CLTC: variants seen among roughly 807,000 people sequenced by gnomAD.
CLTC encodes clathrin heavy chain.
CLTC carries 16 observed loss-of-function variants against 195.8 expected under a neutral mutation model. The ratio of observed to expected loss-of-function variants is 0.08; its 90% CI spans 0.06 to 0.12. The LOEUF is 0.12. Ranked by LOEUF, CLTC falls within the 10% of genes least tolerant of loss-of-function variation. The pLI, the probability that CLTC is intolerant of heterozygous loss-of-function variation, is 1.00. For synonymous variants in CLTC, 667 were observed against 689.4 expected (o/e 0.97, Z 0.51); for missense variants, 796 against 2,027.0 (o/e 0.39, Z 11.66).
chr17:59,683,232 G>T lies in CLTC; in HGVS notation c.4011G>T (p.Glu1337Asp). The change falls in exon 25 of 32, where the codon GAG (glutamate) becomes GAT (aspartate). Residue 1337 changes from glutamate to aspartate, a missense_variant. Physicochemically the swap from Glu to Asp is conservative, Grantham distance 45. Coordinates refer to ENST00000269122, the MANE Select transcript of CLTC (RefSeq NM_004859.4). The surrounding 1 kb of genome is among the most constrained non-coding windows in gnomAD (Gnocchi z 6.1). ...CTCAGAAAATGAGGGAGCACCTGGA[G>T]CTGTTCTGGTCTAGAGTGAATATTC... is the stretch of plus-strand genomic sequence containing the variant. ...FKPQKMREHL[E>D]LFWSRVNIPK... 1 of 1,614,152 alleles carries T rather than the reference G, an allele frequency of 6.2e-7. No homozygotes were observed. The highest frequency in any genetic ancestry group is 8.5e-7 in the Non-Finnish European group (1 of 1,180,000).
rs542827552 is a variant in CLTC, at chr17:59,690,802, A to G, written c.4903+91A>G. On this transcript the variant is annotated intron_variant, in intron 31 of 31. Transcript: ENST00000269122. ...TCAAAATAGAATACAACAAGCTTCT[A>G]AAGTGCAAAAGGCTTTCTAAGAAAT... 7.4e-6 allele frequency: 7 copies of G among 947,650 alleles called. No individual in the cohort carries two copies. The East Asian group carries it at 1.0e-4, about 14-fold the overall frequency. The allele number at this position is 947,650 out of a possible 1,614,324, so 58.7% of individuals were successfully genotyped here. A position where few individuals can be genotyped will look rare whatever the true frequency, so the allele number is the denominator to read the frequency against.
chr17:59,685,120 A>C lies in CLTC; in HGVS notation c.4499A>C (p.Glu1500Ala). The stretch of plus-strand genomic sequence containing the variant: ...AATATCTCGCTTGCTCAGCGTTTGG[A>C]AAAACATGAACTCATTGAGTTCAGG... ...FDNISLAQRL[E>A]KHELIEFRRI... The change falls in exon 29 of 32, where the codon GAA becomes GCA. Residue 1500 changes from glutamate (E) to alanine (A), a missense_variant. Physicochemically the swap from Glu to Ala is moderately radical, Grantham distance 107. Around this residue, in one of 9 missense-constraint regions of CLTC, gnomAD observed 148 missense variants for 279.5 expected, o/e 0.53. Coordinates refer to ENST00000269122, the MANE Select transcript of CLTC (RefSeq NM_004859.4). This position sits in a 1 kb window ranked among gnomAD's most constrained non-coding sequence, Gnocchi z 5.0. 6.2e-7 allele frequency: 1 copy of C among 1,610,340 alleles called. No homozygotes were observed. Among genetic ancestry groups the C allele is most frequent in the Non-Finnish European group, 8.5e-7 (1 of 1,177,450 alleles).
chr17:59,633,804 A>G (rs1055208178), intron 1 of CLTC, among the ~76,000 whole-genome samples: 1 of 152,160 alleles, frequency 6.6e-6, no homozygotes, highest in Non-Finnish European at 1.5e-5. Flanking sequence ...TAACTTGAAT[A>G]TTAAGGAGAC....
chr17:59,657,317 A>C (rs2032495354), intron 6 of CLTC, among the ~76,000 whole-genome samples: 1 of 152,252 alleles, frequency 6.6e-6, no homozygotes, highest in Admixed American at 6.5e-5. Context: ...ACTTATTAAA[A>C]TTGCTCGCTA....
At chr17:59,641,617 A>AT (rs1433318057) in intron 1 of CLTC, among the ~76,000 whole-genome samples, 11 of 151,126 alleles carry the variant, frequency 7.3e-5, no homozygotes, top group African/African-American at 2.7e-4. Flanking sequence ...AAAAAAAAAA[A>AT]AAAAAAAAAA....
Position 59,668,899 on chromosome 17 carries a change from A to G in CLTC, c.2251A>G (p.Ser751Gly). 1 of 1,613,348 alleles carries G rather than the reference A, an allele frequency of 6.2e-7. No individual in the cohort carries two copies. The highest frequency in any genetic ancestry group is 8.5e-7 in the Non-Finnish European group (1 of 1,179,738). The change falls in exon 14 of 32, where the codon AGC (serine) becomes GGC (glycine). Residue 751 changes from serine to glycine, a missense_variant. Transcript: ENST00000269122. ...IKEVERICRE[S>G]NCYDPERVKN... Reference sequence around the variant, plus strand: ...AGAAGTAGAAAGAATCTGTAGAGAAAGCAACTGCTACGATCCTGAGCGAGT... The same window carrying G: ...AGAAGTAGAAAGAATCTGTAGAGAAGGCAACTGCTACGATCCTGAGCGAGT...
Position 59,695,840 on chromosome 17 carries a change from A to C in CLTC, c.*1988A>C, listed in dbSNP as rs1350521205. Reference sequence around the variant, plus strand: ...GTGCAAATATCAACACAGAGAAAAAAAAAATAATAATAGTATTATGAAAAC... The same window carrying C: ...GTGCAAATATCAACACAGAGAAAAACAAAATAATAATAGTATTATGAAAAC... On this transcript the variant is annotated 3_prime_UTR_variant, in exon 32 of 32. Coordinates refer to ENST00000269122, the MANE Select transcript of CLTC (RefSeq NM_004859.4). The C allele has an allele frequency of 1.1e-5, 1 of 89,174 alleles. No individual in the cohort carries two copies. Among genetic ancestry groups the C allele is most frequent in the East Asian group, 1.3e-4 (1 of 7,634 alleles). The allele number at this position is 89,174 out of a possible 1,614,324, so 5.5% of individuals were successfully genotyped here. A position where few individuals can be genotyped will look rare whatever the true frequency, so the allele number is the denominator to read the frequency against.
At chr17:59,668,699 T>C (rs1270782593) in intron 13 of CLTC, 78 bp from the exon 14 acceptor site, 2 of 1,280,294 alleles carry the variant, frequency 1.6e-6, no homozygotes, top group African/African-American at 3.0e-5. Flanking sequence ...AATATAACAG[T>C]TTTTTAATTA....
intron 6 of CLTC, 41 bp from the exon 7 acceptor site, chr17:59,660,350 A>C: frequency 6.4e-7 from 1 of 1,558,070 alleles, no homozygotes; most frequent in Non-Finnish European, 8.9e-7. Context: ...TTTGTATCCA[A>C]ATGAACACAT....
intron 4 of CLTC, among the ~76,000 whole-genome samples, chr17:59,650,451 T>C (rs1236888019): frequency 6.6e-6 from 1 of 151,890 alleles, no homozygotes; most frequent in East Asian, 1.9e-4. Flanking sequence ...GGTAGATTAT[T>C]TGAGGTATGA....
chr17:59,681,307 C>T lies in CLTC; in HGVS notation c.3078C>T (p.Asn1026=), dbSNP rs141118201. 556 of 1,592,494 alleles carry T rather than the reference C, an allele frequency of 3.5e-4. 2 individuals carry two copies. The African/African-American group carries it at 6.7e-3, about 19-fold the overall frequency. Residue 1026 remains asparagine (N), a synonymous_variant, in exon 20 of 32, where the codon AAC becomes AAT. Transcript: ENST00000269122. The surrounding 1 kb of genome is among the most constrained non-coding windows in gnomAD (Gnocchi z 5.0). ...TTTTTTCTTAAAGGAATCTGCAAAA[C>T]CTCCTTATCCTCACTGCAATTAAGG... The part of the protein sequence containing the change: ...SVFSEHRNLQ[N]LLILTAIKAD...
In CLTC at chr17:59,641,943, C is replaced by T. The variant is rs140677315; in HGVS notation, c.43-2333C>T. 3.7e-3 allele frequency among the ~76,000 whole-genome samples: 552 copies of T among 150,786 alleles called. 4 individuals are homozygous for T. Among genetic ancestry groups the T allele is most frequent in the African/African-American group, 0.012 (501 of 41,086 alleles). On this transcript the variant is annotated intron_variant, in intron 1 of 31. Coordinates refer to ENST00000269122, the MANE Select transcript of CLTC (RefSeq NM_004859.4). ...GCTCAAGTGATCCTCTCATCTCAGC[C>T]TCCCAAAGTGCTGGGATTATAGGTG...
chr17:59,661,720 T>G, intron 8 of CLTC, 77 bp downstream of exon 8: 2 of 1,186,852 alleles, frequency 1.7e-6, no homozygotes, highest in Non-Finnish European at 1.2e-6. Context: ...TCATTTAGGC[T>G]GCACCACAAT....
intron 17 of CLTC, among the ~76,000 whole-genome samples, 154 bp downstream of exon 17, chr17:59,677,342 C>T (rs903515015): frequency 3.3e-5 from 5 of 152,098 alleles, no homozygotes; most frequent in African/African-American, 9.7e-5. Context: ...CTGAAAGTGG[C>T]CAAATAGTGG....
intron 10 of CLTC, among the ~76,000 whole-genome samples, chr17:59,665,794 C>T (rs370385576): frequency 2.0e-5 from 3 of 152,096 alleles, no homozygotes; most frequent in African/African-American, 2.4e-5. Flanking sequence ...GAGCTGAGAT[C>T]GTGCCATTGC....
At chr17:59,638,064 A>C (rs1331477177) in intron 1 of CLTC, among the ~76,000 whole-genome samples, 1 of 152,104 alleles carries the variant, frequency 6.6e-6, no homozygotes, top group Non-Finnish European at 1.5e-5. Context: ...AGTAGTTGAA[A>C]GAAATTCACA....
At chr17:59,652,583 A>G (rs920277902) in intron 5 of CLTC, among the ~76,000 whole-genome samples, 1 of 152,182 alleles carries the variant, frequency 6.6e-6, no homozygotes, top group African/African-American at 2.4e-5. Context: ...GACTATGTGC[A>G]TTGTCGATGA....
intron 1 of CLTC, among the ~76,000 whole-genome samples, chr17:59,632,086 G>A (rs922744707): frequency 6.6e-6 from 1 of 151,050 alleles, no homozygotes; most frequent in Non-Finnish European, 1.5e-5. Context: ...TTTAGAAACC[G>A]GGCTGGGTGT....
chr17:59,685,463 A>G lies in CLTC; in HGVS notation c.4606-124A>G. On this transcript the variant is annotated intron_variant, in intron 29 of 31. Coordinates refer to ENST00000269122, the MANE Select transcript of CLTC (RefSeq NM_004859.4). This position sits in a 1 kb window ranked among gnomAD's most constrained non-coding sequence, Gnocchi z 5.0. The stretch of plus-strand genomic sequence containing the variant: ...TGAAAATTTTAATTTAAATGATACA[A>G]CTAGGAGGCTTTTTTCCCCTTGCAA... 1 of 927,506 alleles carries G rather than the reference A, an allele frequency of 1.1e-6. No homozygotes were observed. Among genetic ancestry groups the G allele is most frequent in the East Asian group, 2.6e-5 (1 of 38,022 alleles). 57.5% of individuals were successfully genotyped at this position (927,506 alleles called of 1,614,324 possible). A position where few individuals can be genotyped will look rare whatever the true frequency, so the allele number is the denominator to read the frequency against.
Sources: gnomAD v4.1 joint callset for allele counts (sites outside exome capture counted in the v4.1 genomes callset) on GRCh38, gnomAD v4.1.1 for gene constraint, gnomAD v4.1.1 regional missense constraint, Gnocchi (gnomAD v3.1) non-coding constraint, MANE v1.5 for transcripts, NCBI Gene and HGNC (gene_info 2026-07-23, HGNC 2026-07-21) for gene names.